PRDM1: variants seen among roughly 807,000 people sequenced by gnomAD.
PRDM1 encodes the protein PR domain zinc finger protein 1.
In PRDM1, 13 loss-of-function variants were observed where a neutral mutation model predicts 62.8. The ratio of observed to expected loss-of-function variants is 0.21; its 90% CI spans 0.13 to 0.33. PRDM1 has a LOEUF of 0.33. Ranked by LOEUF, PRDM1 falls within the 10% of genes least tolerant of loss-of-function variation. PRDM1 has a pLI of 1.00. For missense variants in PRDM1, 895 were observed against 1,058.8 expected, an observed-to-expected ratio of 0.85 and a Z score of 2.15; for synonymous variants, 396 against 417.6, an observed-to-expected ratio of 0.95 and a Z score of 0.63.
Position 106,086,482 on chromosome 6 carries a change from C to G in PRDM1, c.-72C>G. On this transcript the variant is annotated 5_prime_UTR_variant, in exon 1 of 7. Coordinates refer to ENST00000369096, the MANE Select transcript of PRDM1 (RefSeq NM_001198.4). ...GAGGAGGGACCGCCGAGGTGCGCGT[C>G]TGTGCGGCTCAGCCTGGCGGGGGAC... The G allele has an allele frequency of 6.9e-7, 1 of 1,459,788 alleles. No homozygotes were observed. The highest frequency in any genetic ancestry group is 9.3e-7 in the Non-Finnish European group (1 of 1,069,984). 90.4% of individuals were successfully genotyped at this position (1,459,788 alleles called of 1,614,324 possible).
At chr6:106,078,718 CAAAAA>C (rs1240224369) in intron 1 of PRDM1, among the ~76,000 whole-genome samples, 1 of 151,982 alleles carries the variant, frequency 6.6e-6, no homozygotes, top group Non-Finnish European at 1.5e-5. Context: ...TCAAAAAATA[CAAAAA>C]TTAGCTGGGT....
upstream of PRDM1, chr6:106,086,189 A>G (rs1010495623): frequency 3.2e-6 from 1 of 316,592 alleles, no homozygotes; most frequent in African/African-American, 2.1e-5. Context: ...ACACATGCGA[A>G]GAGAGGAAGC....
chr6:106,098,878 C>T, intron 3 of PRDM1: 1 of 1,510,770 alleles, frequency 6.6e-7, no homozygotes, highest in Non-Finnish European at 8.9e-7. Flanking sequence ...ACGTCGTCAG[C>T]CGGCTTGGTC....
chr6:106,098,692 C>T, intron 3 of PRDM1: 1 of 1,370,742 alleles, frequency 7.3e-7, no homozygotes, highest in Non-Finnish European at 9.7e-7. Context: ...TGAAGTTCAC[C>T]TTTGCCCCAC....
Position 106,061,193 on chromosome 6 carries a change from C to T in PRDM1, c.-67+12479C>T, listed in dbSNP as rs375572323. ...CAGCAGTTAGATGGTTCCACTGATC[C>T]GGACTGAGTGCCTTCCAGCAGTTCA... is the stretch of plus-strand genomic sequence containing the variant. On this transcript the variant is annotated intron_variant, in intron 1 of 6. Coordinates refer to the PRDM1 transcript ENST00000651185. Among the ~76,000 whole-genome samples, 12 of 137,330 alleles carry T rather than the reference C, an allele frequency of 8.7e-5. No homozygotes were observed. In the South Asian group the frequency reaches 1.3e-3, roughly 15 times the overall value. The allele number at this position is 137,330 out of a possible 152,430, so 90.1% of individuals were successfully genotyped here.
chr6:106,074,339 C>T (rs1044481329), intron 1 of PRDM1, among the ~76,000 whole-genome samples: 5 of 152,264 alleles, frequency 3.3e-5, no homozygotes, highest in South Asian at 2.1e-4. Context: ...TTCCCACGTA[C>T]CAAACACTTG....
chr6:106,077,850 G>A (rs760157194), intron 1 of PRDM1, among the ~76,000 whole-genome samples: 3 of 152,312 alleles, frequency 2.0e-5, no homozygotes, highest in Non-Finnish European at 2.9e-5. Context: ...TCTTTGATTT[G>A]TTTAAATATC....
intron 1 of PRDM1, among the ~76,000 whole-genome samples, chr6:106,055,566 A>T (rs917908733): frequency 6.6e-6 from 1 of 152,212 alleles, no homozygotes; most frequent in South Asian, 2.1e-4. Flanking sequence ...AAGCCTGCAG[A>T]TTAGATTATC....
intron 1 of PRDM1, among the ~76,000 whole-genome samples, chr6:106,008,108 C>T (rs185932350): frequency 3.9e-5 from 6 of 152,354 alleles, no homozygotes; most frequent in Admixed American, 3.9e-4. Context: ...CGCGGTGGCT[C>T]ACGCCTGTAA....
chr6:106,073,793 T>G (rs938098784), intron 1 of PRDM1, among the ~76,000 whole-genome samples: 3 of 152,224 alleles, frequency 2.0e-5, no homozygotes, highest in African/African-American at 4.8e-5. Flanking sequence ...AGGTCCCACA[T>G]CCTCATCTGC....
chr6:105,995,846 A>T (rs1376127960), intron 1 of PRDM1, among the ~76,000 whole-genome samples: 1 of 152,128 alleles, frequency 6.6e-6, no homozygotes, highest in African/African-American at 2.4e-5. Context: ...ATTTTCGGGG[A>T]CAATCTTTAG....
intron 1 of PRDM1, among the ~76,000 whole-genome samples, chr6:106,002,183 G>A (rs1047728465): frequency 2.0e-5 from 3 of 152,056 alleles, no homozygotes; most frequent in African/African-American, 7.2e-5. Context: ...CCAGGTAATC[G>A]CTTTCTTTTC....
At chr6:106,035,834 CTT>C (rs139107804) in intron 1 of PRDM1, among the ~76,000 whole-genome samples, 2 of 151,974 alleles carry the variant, frequency 1.3e-5, no homozygotes, top group African/African-American at 4.8e-5. Context: ...CAATCTTTGT[CTT>C]TTGATTGGAG....
chr6:106,062,285 G>A (rs1773356416), intron 1 of PRDM1, among the ~76,000 whole-genome samples: 1 of 152,118 alleles, frequency 6.6e-6, no homozygotes, highest in Non-Finnish European at 1.5e-5. Context: ...CAAGATCTAA[G>A]TATTAAGGGT....
At chr6:106,097,090 A>T (rs1774133536) in intron 3 of PRDM1, among the ~76,000 whole-genome samples, 1 of 152,204 alleles carries the variant, frequency 6.6e-6, no homozygotes, top group Non-Finnish European at 1.5e-5. Context: ...TTACAGATTC[A>T]CTAAGAATCA....
intron 1 of PRDM1, among the ~76,000 whole-genome samples, chr6:106,051,515 T>C (rs1773174412): frequency 6.6e-6 from 1 of 152,378 alleles, no homozygotes; most frequent in Middle Eastern, 3.4e-3. Flanking sequence ...TAAATGTCTT[T>C]AAGATCACAG....
intron 1 of PRDM1, among the ~76,000 whole-genome samples, chr6:106,064,617 T>C (rs1452031681): frequency 1.3e-5 from 2 of 152,178 alleles, no homozygotes; most frequent in Non-Finnish European, 2.9e-5. Flanking sequence ...GAAAATCTTC[T>C]CTCTGATTTT....
chr6:106,015,793 T>G (rs1772612008), intron 1 of PRDM1, among the ~76,000 whole-genome samples: 1 of 152,102 alleles, frequency 6.6e-6, no homozygotes, highest in Non-Finnish European at 1.5e-5. Context: ...CTTTTTTTTT[T>G]GCAGGGAGTA....
chr6:106,095,543 T>C, intron 2 of PRDM1, 72 bp from the exon 3 acceptor site: 1 of 1,548,240 alleles, frequency 6.5e-7, no homozygotes, highest in South Asian at 1.2e-5. Context: ...GACAGTCCAA[T>C]TTATTTAATT....
Sources: gnomAD v4.1 joint callset for allele counts (sites outside exome capture counted in the v4.1 genomes callset) on GRCh38, gnomAD v4.1.1 for gene constraint, MANE v1.5 for transcripts, NCBI Gene and HGNC (gene_info 2026-07-23, HGNC 2026-07-21) for gene names.